Variants in TSHZ2 observed in about 807,000 individuals in gnomAD.
TSHZ2 encodes teashirt zinc finger homeobox 2.
Under a neutral mutation model 74.4 loss-of-function variants are expected in TSHZ2, and 21 were observed. The ratio of observed to expected loss-of-function variants is 0.28; its 90% CI spans 0.20 to 0.41. The LOEUF (loss-of-function observed/expected upper bound fraction) is 0.41. Ranked by LOEUF, TSHZ2 falls within the 10% of genes least tolerant of loss-of-function variation. TSHZ2 has a pLI of 1.00. For missense variants in TSHZ2, 1,244 were observed against 1,293.5 expected (o/e 0.96, Z 0.59); for synonymous variants, 540 against 515.3 (o/e 1.05, Z -0.65).
Position 53,333,900 on chromosome 20 carries a change from C to T in TSHZ2, c.*8+77329C>T, listed in dbSNP as rs1600815489. On this transcript the variant is annotated intron_variant, in intron 2 of 2. Transcript: ENST00000371497. ...CAGACAAAAGCCTGCATCTCAAGGG[C>T]CAGATCACTGGGAGACAAATCTCTA... Among the ~76,000 whole-genome samples the T allele has an allele frequency of 2.0e-5, 3 of 152,328 alleles. No homozygotes were observed. The Middle Eastern group carries it at 0.01, about 518-fold the overall frequency.
At chr20:53,033,886 C>T (rs1475973662) in intron 1 of TSHZ2, among the ~76,000 whole-genome samples, 1 of 151,932 alleles carries the variant, frequency 6.6e-6, no homozygotes, top group African/African-American at 2.4e-5. Context: ...TCTCGAACTC[C>T]TGACCGCAGG....
rs61758128 is a variant in TSHZ2, at chr20:53,254,505, C to A, written c.1047C>A (p.Asn349Lys). ...CAGATTCTTTTTCTTCTCAGAAGAA[C>A]GCCAACTTGCAGTTGTCCTCCAACA... ...SFADSFSSQK[N>K]ANLQLSSNNR... The change falls in exon 2 of 3, where the codon AAC becomes AAA. Residue 349 changes from asparagine to lysine, a missense_variant. Physicochemically the swap from Asn to Lys is moderately conservative, Grantham distance 94. Around this residue, in one of 6 missense-constraint regions of TSHZ2, gnomAD observed 470 missense variants for 456.5 expected, o/e 1.03. Transcript: ENST00000371497. The A allele has an allele frequency of 6.2e-7, 1 of 1,613,966 alleles. No individual in the cohort carries two copies. Among genetic ancestry groups the A allele is most frequent in the Non-Finnish European group, 8.5e-7 (1 of 1,179,966 alleles).
chr20:53,413,015 C>A (rs1019332974), intron 2 of TSHZ2: 1 of 152,322 alleles, frequency 6.6e-6, no homozygotes, highest in Admixed American at 6.5e-5. Flanking sequence ...CAGGTTCCCC[C>A]AGAAGCCTCC....
intron 2 of TSHZ2, among the ~76,000 whole-genome samples, chr20:53,424,367 T>A (rs1983586144): frequency 6.6e-6 from 1 of 152,206 alleles, no homozygotes; most frequent in African/African-American, 2.4e-5. Context: ...GGAAATGAGC[T>A]ATGAAATGAG....
intron 2 of TSHZ2, among the ~76,000 whole-genome samples, chr20:53,330,602 G>A (rs989062889): frequency 3.9e-5 from 6 of 152,150 alleles, no homozygotes; most frequent in Non-Finnish European, 8.8e-5. Flanking sequence ...TTTAGGTGGA[G>A]ATTGTATGTT....
intron 2 of TSHZ2, among the ~76,000 whole-genome samples, chr20:53,283,437 A>C (rs1991103334): frequency 2.0e-5 from 3 of 152,184 alleles, no homozygotes; most frequent in African/African-American, 7.2e-5. Flanking sequence ...TATTTTACAG[A>C]TGAAGTACCT....
intron 2 of TSHZ2, among the ~76,000 whole-genome samples, chr20:53,405,278 A>G (rs1035134530): frequency 2.0e-5 from 3 of 149,986 alleles, no homozygotes; most frequent in Non-Finnish European, 4.4e-5. Context: ...CATCATACTT[A>G]ATTTTGGAAA....
chr20:53,402,058 C>T (rs1158305592), intron 2 of TSHZ2, among the ~76,000 whole-genome samples: 1 of 152,166 alleles, frequency 6.6e-6, no homozygotes, highest in African/African-American at 2.4e-5. Context: ...GCCGGGATTA[C>T]AGGCGTGAGC....
intron 2 of TSHZ2, among the ~76,000 whole-genome samples, chr20:53,388,589 CTTTCT>C (rs1982136422): frequency 6.7e-6 from 1 of 149,792 alleles, no homozygotes; most frequent in African/African-American, 2.5e-5. Flanking sequence ...TCTTTTTTTT[CTTTCT>C]TTTTTTTTTT....
intron 1 of TSHZ2, among the ~76,000 whole-genome samples, chr20:53,050,126 CACAT>C (rs72033761): frequency 0.13 from 12,801 of 100,958 alleles, 2,372 homozygotes; most frequent in African/African-American, 0.41. Context: ...TATATATATA[CACAT>C]ATATATATGT....
chr20:53,440,043 C>A (rs1984252990), intron 2 of TSHZ2, among the ~76,000 whole-genome samples: 1 of 151,656 alleles, frequency 6.6e-6, no homozygotes, highest in Admixed American at 6.6e-5. Flanking sequence ...TTAAGGGATG[C>A]CATTACATGA....
chr20:53,176,776 C>A (rs1988351047), intron 1 of TSHZ2, among the ~76,000 whole-genome samples: 1 of 151,424 alleles, frequency 6.6e-6, no homozygotes, highest in Non-Finnish European at 1.5e-5. Context: ...AACCTCCGCC[C>A]CCTGAGTTCA....
chr20:53,466,003 T>A (rs1000121099), intron 2 of TSHZ2, among the ~76,000 whole-genome samples: 9 of 150,908 alleles, frequency 6.0e-5, no homozygotes, highest in Non-Finnish European at 1.2e-4. Flanking sequence ...TCCCAGCACT[T>A]TGGGGGGCCC....
intron 1 of TSHZ2, among the ~76,000 whole-genome samples, chr20:53,099,803 G>A (rs546560392): frequency 6.6e-6 from 1 of 152,302 alleles, no homozygotes; most frequent in Non-Finnish European, 1.5e-5. Context: ...AATTGTCTCT[G>A]ACAAAGTCCC....
At chr20:53,452,087 T>G (rs975178898) in intron 2 of TSHZ2, among the ~76,000 whole-genome samples, 1 of 152,146 alleles carries the variant, frequency 6.6e-6, no homozygotes, top group South Asian at 2.1e-4. Context: ...CAAAGGGAAG[T>G]CAGTAACCCC....
intron 2 of TSHZ2, among the ~76,000 whole-genome samples, chr20:53,387,178 A>C (rs762773738): frequency 3.9e-5 from 6 of 152,194 alleles, no homozygotes; most frequent in Non-Finnish European, 8.8e-5. Context: ...AATTCCCGGC[A>C]TACCGAGCTC....
chr20:52,973,043 A>G lies in TSHZ2; in HGVS notation c.-251A>G. The G allele has an allele frequency of 4.8e-6, 2 of 420,992 alleles. No individual in the cohort carries two copies. Among genetic ancestry groups the G allele is most frequent in the South Asian group, 8.8e-5 (1 of 11,348 alleles). 26.1% of individuals were successfully genotyped at this position (420,992 alleles called of 1,614,324 possible). A position where few individuals can be genotyped will look rare whatever the true frequency, so the allele number is the denominator to read the frequency against. On this transcript the variant is annotated 5_prime_UTR_variant, in exon 1 of 3. Transcript: ENST00000371497. ...AAAATTCAAAATAAACAAACAAACA[A>G]ACAAGGCAGAACCAACCTCTACTTC...
At chr20:53,048,593 C>T (rs960918200) in intron 1 of TSHZ2, among the ~76,000 whole-genome samples, 3 of 152,148 alleles carry the variant, frequency 2.0e-5, no homozygotes, top group South Asian at 2.1e-4. Context: ...ATTTGCCGGG[C>T]GTGGGCAGCA....
chr20:53,143,687 G>A (rs59302688), intron 1 of TSHZ2, among the ~76,000 whole-genome samples: 12,509 of 151,810 alleles, frequency 0.082, 753 homozygotes, highest in Admixed American at 0.17. Flanking sequence ...GCAAGACTCC[G>A]TCTCAAAAAA....
Sources: allele counts gnomAD v4.1 joint callset (sites outside exome capture counted in the v4.1 genomes callset), GRCh38; gene constraint gnomAD v4.1.1; regional missense constraint gnomAD v4.1.1; transcripts MANE v1.5; gene names NCBI Gene and HGNC (gene_info 2026-07-23, HGNC 2026-07-21).